Variants in SLC39A11 observed in about 807,000 individuals in gnomAD.
SLC39A11 encodes solute carrier family 39 member 11.
Under a neutral mutation model 36.1 loss-of-function variants are expected in SLC39A11, and 33 were observed. The observed-to-expected ratio is 0.91, with a 90% confidence interval of 0.69 to 1.22. The LOEUF is 1.22. SLC39A11 is among the 50% of genes most tolerant of loss of function. SLC39A11 has a pLI of 0.00. For missense variants in SLC39A11, 432 were observed against 430.3 expected (o/e 1.00, Z -0.03); for synonymous variants, 166 against 170.3 (o/e 0.97, Z 0.20).
chr17:72,897,069 A>AAC (rs2082071247), intron 5 of SLC39A11, among the ~76,000 whole-genome samples: 2 of 150,340 alleles, frequency 1.3e-5, no homozygotes, highest in South Asian at 2.1e-4. Flanking sequence ...AAAAAAAAAA[A>AAC]AACAAACAGA....
intron 4 of SLC39A11, among the ~76,000 whole-genome samples, chr17:72,997,754 G>A (rs1319684013): frequency 2.6e-5 from 4 of 152,186 alleles, no homozygotes; most frequent in African/African-American, 9.7e-5. Context: ...CAGAGTACCC[G>A]CATTGTCTAC....
chr17:72,948,241 C>T (rs9675171), intron 4 of SLC39A11, among the ~76,000 whole-genome samples: 64 of 146,044 alleles, frequency 4.4e-4, no homozygotes, highest in African/African-American at 1.5e-3. Context: ...GCCTCACACA[C>T]ACAAAACCCC....
At chr17:72,690,490 A>G (rs1429600954) in intron 7 of SLC39A11, among the ~76,000 whole-genome samples, 2 of 152,204 alleles carry the variant, frequency 1.3e-5, no homozygotes, top group Non-Finnish European at 2.9e-5. Flanking sequence ...TGAAACAGAT[A>G]AACACGTACT....
At chr17:72,747,549 C>T (rs1185246425) in intron 6 of SLC39A11, among the ~76,000 whole-genome samples, 1 of 152,316 alleles carries the variant, frequency 6.6e-6, no homozygotes, top group Middle Eastern at 3.4e-3. Context: ...GGAGCAACGT[C>T]ACGTAACACT....
intron 5 of SLC39A11, among the ~76,000 whole-genome samples, chr17:72,922,982 AAAAAAAAAC>A (rs1359821749): frequency 3.4e-5 from 5 of 149,126 alleles, no homozygotes; most frequent in Non-Finnish European, 6.0e-5. Flanking sequence ...AAAAAAAAAA[AAAAAAAAAC>A]ACACAGAAAA....
chr17:73,028,045 C>T (rs930486092), intron 4 of SLC39A11, among the ~76,000 whole-genome samples: 2 of 152,180 alleles, frequency 1.3e-5, no homozygotes, highest in Non-Finnish European at 2.9e-5. Flanking sequence ...GCCCCTTGGT[C>T]GGAACCGCAG....
intron 4 of SLC39A11, among the ~76,000 whole-genome samples, chr17:73,017,409 A>G (rs1385325285): frequency 1.3e-5 from 2 of 152,046 alleles, no homozygotes; most frequent in African/African-American, 2.4e-5. Flanking sequence ...GTATACAGAA[A>G]AAGATTGAAA....
intron 7 of SLC39A11, among the ~76,000 whole-genome samples, chr17:72,716,968 CA>C (rs761854832): frequency 1.5e-3 from 133 of 90,474 alleles, no homozygotes; most frequent in African/African-American, 3.4e-3. Flanking sequence ...GACCCTGTCT[CA>C]AAAAAAAAAA....
At chr17:72,984,418 AG>A (rs1402502103) in intron 4 of SLC39A11, among the ~76,000 whole-genome samples, 5 of 152,126 alleles carry the variant, frequency 3.3e-5, no homozygotes, top group Non-Finnish European at 7.4e-5. Flanking sequence ...AGAAAATTCA[AG>A]AAATAAGATT....
At chr17:72,788,758 CA>C in intron 6 of SLC39A11, among the ~76,000 whole-genome samples, 1 of 152,204 alleles carries the variant, frequency 6.6e-6, no homozygotes, top group Non-Finnish European at 1.5e-5. Flanking sequence ...AAGTCCTGGA[CA>C]ATACTAGAGG....
At chr17:72,999,308 ATC>A (rs1338374496) in intron 4 of SLC39A11, among the ~76,000 whole-genome samples, 2 of 152,164 alleles carry the variant, frequency 1.3e-5, no homozygotes, top group Non-Finnish European at 2.9e-5. Context: ...CTCCCCAGCC[ATC>A]TCTTTGTCTG....
chr17:72,813,493 G>A (rs1198684445), intron 6 of SLC39A11, among the ~76,000 whole-genome samples: 1 of 152,180 alleles, frequency 6.6e-6, no homozygotes, highest in Non-Finnish European at 1.5e-5. Context: ...GGTTCTTTAT[G>A]AAGCTGAGCC....
chr17:73,084,710 T>C (rs919176113), intron 3 of SLC39A11, 98 bp downstream of exon 3: 1 of 1,122,760 alleles, frequency 8.9e-7, no homozygotes. Flanking sequence ...CAGAGATGCA[T>C]CTAGGTCGCA....
intron 5 of SLC39A11, among the ~76,000 whole-genome samples, chr17:72,925,018 A>AAAG (rs2083956507): frequency 6.6e-6 from 1 of 151,030 alleles, no homozygotes. Context: ...AAAAAAAAAA[A>AAAG]AAAGCCATAG....
At chr17:72,873,621 G>A (rs950675874) in intron 5 of SLC39A11, among the ~76,000 whole-genome samples, 12 of 152,150 alleles carry the variant, frequency 7.9e-5, no homozygotes, top group African/African-American at 2.9e-4. Flanking sequence ...GGAGGCAAAG[G>A]AGAATATGTG....
rs550696080 is a variant in SLC39A11 at position 72,718,185 on chromosome 17, T to C, written c.671+18465A>G. 3.9e-3 allele frequency among the ~76,000 whole-genome samples: 594 copies of C among 152,272 alleles called. 16 individuals carry two copies. The highest frequency in any genetic ancestry group is 1.9e-3 in the South Asian group (9 of 4,824). On this transcript the variant is annotated intron_variant, in intron 7 of 9. Coordinates refer to ENST00000255559, the MANE Select transcript of SLC39A11 (RefSeq NM_139177.4). ...CATCTGGGCTGAGGGCAGCAGCTCA[T>C]GCCTGTAATCTCAGCATTTGGGGAG... is the stretch of plus-strand genomic sequence containing the variant.
At chr17:72,656,507 C>A (rs1201239418) in intron 7 of SLC39A11, among the ~76,000 whole-genome samples, 2 of 151,464 alleles carry the variant, frequency 1.3e-5, no homozygotes, top group Non-Finnish European at 2.9e-5. Flanking sequence ...AGAGAGGGAG[C>A]GTGGAAAGGG....
At chr17:72,751,164 C>A (rs2075141500) in intron 6 of SLC39A11, among the ~76,000 whole-genome samples, 1 of 152,194 alleles carries the variant, frequency 6.6e-6, no homozygotes, top group South Asian at 2.1e-4. Flanking sequence ...ATGAGAATCA[C>A]TTGAGCCCAG....
intron 6 of SLC39A11, among the ~76,000 whole-genome samples, chr17:72,784,068 G>A (rs1179104948): frequency 6.6e-6 from 1 of 152,170 alleles, no homozygotes; most frequent in African/African-American, 2.4e-5. Flanking sequence ...GGAAAGGCCT[G>A]GTGTGGTGCC....
Sources: allele counts gnomAD v4.1 joint callset (sites outside exome capture counted in the v4.1 genomes callset), GRCh38; gene constraint gnomAD v4.1.1; transcripts MANE v1.5; gene names NCBI Gene and HGNC (gene_info 2026-07-23, HGNC 2026-07-21).